MYH10: variants seen among roughly 807,000 people sequenced by gnomAD.
MYH10 encodes myosin-10.
MYH10 carries 55 observed loss-of-function variants against 257.8 expected under a neutral mutation model. The ratio of observed to expected loss-of-function variants is 0.21; its 90% confidence interval spans 0.17 to 0.27. MYH10 has a LOEUF of 0.27. MYH10 is among the 10% of genes least tolerant of loss of function. MYH10 has a pLI of 1.00. For missense variants in MYH10, 1,631 were observed against 2,500.6 expected, an observed-to-expected ratio of 0.65 and a Z score of 7.42; for synonymous variants, 854 against 921.7, an observed-to-expected ratio of 0.93 and a Z score of 1.33.
intron 4 of MYH10, among the ~76,000 whole-genome samples, chr17:8,578,688 A>G (rs896483613): frequency 6.6e-6 from 1 of 152,204 alleles, no homozygotes; most frequent in Non-Finnish European, 1.5e-5. Flanking sequence ...ACTCACTACT[A>G]GGCTTGAAAT....
chr17:8,606,294 G>A (rs1463763996), intron 2 of MYH10, among the ~76,000 whole-genome samples: 1 of 152,150 alleles, frequency 6.6e-6, no homozygotes, highest in Non-Finnish European at 1.5e-5. Flanking sequence ...CTGATTCTGG[G>A]CACTACGGAA....
chr17:8,578,456 C>T (rs2083583784), intron 4 of MYH10, among the ~76,000 whole-genome samples: 2 of 152,058 alleles, frequency 1.3e-5, no homozygotes, highest in Admixed American at 1.3e-4. Context: ...GTTGGCTAGG[C>T]TGGTCTCAAA....
chr17:8,484,191 C>G lies in MYH10; in HGVS notation c.5122G>C (p.Glu1708Gln). Reference sequence around the variant, plus strand: ...AGACTCTTCAATTTCTTTTCACTCTCTTTGGATTGAGCAAAAATCTCATCT... The same window carrying G: ...AGACTCTTCAATTTCTTTTCACTCTGTTTGGATTGAGCAAAAATCTCATCT... The part of the protein sequence containing the change: ...SRDEIFAQSK[E>Q]SEKKLKSLEA... The change falls in exon 37 of 43, where the codon GAG becomes CAG. Residue 1708 changes from glutamate (E) to glutamine (Q), a missense_variant. Physicochemically the swap from Glu to Gln is conservative, Grantham distance 29. This residue lies in a region of MYH10 where 463 missense variants were observed against 621.8 expected (regional missense o/e 0.74). Coordinates refer to ENST00000360416, the MANE Select transcript of MYH10 (RefSeq NM_001256012.3). 6.2e-7 allele frequency: 1 copy of G among 1,612,494 alleles called. No homozygotes were observed. The highest frequency in any genetic ancestry group is 2.2e-5 in the East Asian group (1 of 44,718).
chr17:8,570,480 T>C (rs879640461), intron 6 of MYH10, among the ~76,000 whole-genome samples: 1 of 152,200 alleles, frequency 6.6e-6, no homozygotes, highest in Non-Finnish European at 1.5e-5. Context: ...AATATATTAA[T>C]ACGTACTTTA....
At chr17:8,592,964 T>TATATATATATATATATATAA (rs1567953199) in intron 3 of MYH10, among the ~76,000 whole-genome samples, 4 of 119,916 alleles carry the variant, frequency 3.3e-5, no homozygotes, top group African/African-American at 1.3e-4. Flanking sequence ...TATATATATA[T>TATATATATATATATATATAA]ATATATAAAA....
At position 8,477,297 on chromosome 17, in the gene MYH10, C is replaced by T. The variant is rs1320314539; in HGVS notation, c.5707-249G>A. Among the ~76,000 whole-genome samples, 3 of 152,128 alleles carry T rather than the reference C, an allele frequency of 2.0e-5. No individual in the cohort carries two copies. The highest frequency in any genetic ancestry group is 4.4e-5 in the Non-Finnish European group (3 of 68,012). On this transcript the variant is annotated intron_variant, in intron 41 of 42. Transcript: ENST00000360416. The surrounding 1 kb of genome is among the most constrained non-coding windows in gnomAD (Gnocchi z 4.2). ...AAAGTACTCAAGACTCTGTTTTTACCAGTGAGTTTTCTGCAGAAAAATGAC... is the reference window on the plus strand; with the variant it reads ...AAAGTACTCAAGACTCTGTTTTTACTAGTGAGTTTTCTGCAGAAAAATGAC...
At chr17:8,516,397 T>A (rs1425093706) in intron 21 of MYH10, among the ~76,000 whole-genome samples, 1 of 152,202 alleles carries the variant, frequency 6.6e-6, no homozygotes, top group Admixed American at 6.5e-5. Flanking sequence ...TATCTTCTTT[T>A]TTTGATGTAT....
chr17:8,527,681 A>G (rs2081893159), intron 17 of MYH10, among the ~76,000 whole-genome samples: 1 of 152,214 alleles, frequency 6.6e-6, no homozygotes, highest in Non-Finnish European at 1.5e-5. Context: ...AACACCACAC[A>G]TTCAGGCACT....
rs570203109 is a variant in MYH10 at position 8,618,580 on chromosome 17, C to G, written c.345+4322G>C. 3.7e-4 allele frequency among the ~76,000 whole-genome samples: 57 copies of G among 152,294 alleles called. No individual in the cohort carries two copies. The South Asian group carries it at 0.01, about 28-fold the overall frequency. ...TTAAAAATTAGATGTAGTGTAGCAT[C>G]TGAAACCCTATCAGTGAACTTCTCA... On this transcript the variant is annotated intron_variant, in intron 2 of 42. Coordinates refer to ENST00000360416, the MANE Select transcript of MYH10 (RefSeq NM_001256012.3).
Position 8,551,967 on chromosome 17 carries a change from C to T in MYH10, c.919+79G>A, listed in dbSNP as rs1004343656. ...TGTTTTGTGTGTAAAAAACTGTTTC[C>T]CAAAATTGTTTTTTCTCAAAAAAAA... On this transcript the variant is annotated intron_variant, in intron 9 of 42. Transcript: ENST00000360416. 3.8e-5 allele frequency: 29 copies of T among 758,094 alleles called. 1 individual carries two copies. The South Asian group carries it at 9.7e-4, about 25-fold the overall frequency. The allele number at this position is 758,094 out of a possible 1,614,324, so 47.0% of individuals were successfully genotyped here. A position where few individuals can be genotyped will look rare whatever the true frequency, so the allele number is the denominator to read the frequency against.
chr17:8,500,902 G>A lies in MYH10; in HGVS notation c.3668C>T (p.Ala1223Val). ...ALEEETKNHEAQIQDMRQRHA... is the reference protein window; with the variant it reads ...ALEEETKNHEVQIQDMRQRHA... ...TCTTTGTCTCATGTCCTGGATTTGAGCTTCATGGTTCTTAGTTTCCTCCTC... is the reference window on the plus strand; with the variant it reads ...TCTTTGTCTCATGTCCTGGATTTGAACTTCATGGTTCTTAGTTTCCTCCTC... The change falls in exon 29 of 43, where the codon GCT becomes GTT. Residue 1223 changes from alanine to valine, a missense_variant. Physicochemically the swap from Ala to Val is moderately conservative, Grantham distance 64 (BLOSUM62 0). Around this residue, in one of 11 missense-constraint regions of MYH10, gnomAD observed 463 missense variants for 621.8 expected, o/e 0.74. Coordinates refer to ENST00000360416, the MANE Select transcript of MYH10 (RefSeq NM_001256012.3). The A allele has an allele frequency of 6.2e-7, 1 of 1,614,134 alleles. No homozygotes were observed. The highest frequency in any genetic ancestry group is 1.1e-5 in the South Asian group (1 of 91,088).
chr17:8,552,505 T>C lies in MYH10; in HGVS notation c.821-361A>G, dbSNP rs1306402422. Among the ~76,000 whole-genome samples the C allele has an allele frequency of 2.0e-5, 3 of 152,184 alleles. No homozygotes were observed. Among genetic ancestry groups the C allele is most frequent in the Non-Finnish European group, 4.4e-5 (3 of 68,024 alleles). ...AGCTATTGAAAATGAAGTACAGTTGTTTAAGGCAGGAGAAGCTCTATAATA... is the reference window on the plus strand; with the variant it reads ...AGCTATTGAAAATGAAGTACAGTTGCTTAAGGCAGGAGAAGCTCTATAATA... On this transcript the variant is annotated intron_variant, in intron 8 of 42. Transcript: ENST00000360416. This position sits in a 1 kb window ranked among gnomAD's most constrained non-coding sequence, Gnocchi z 4.8.
chr17:8,574,737 TG>T (rs1567923962), intron 6 of MYH10, among the ~76,000 whole-genome samples: 23 of 152,174 alleles, frequency 1.5e-4, no homozygotes, highest in Admixed American at 4.6e-4. Flanking sequence ...CACAAACCAG[TG>T]GTATCAAATC....
Position 8,499,362 on chromosome 17 carries a change from T to G in MYH10, c.3859A>C (p.Lys1287Gln). 1.2e-6 allele frequency: 2 copies of G among 1,614,184 alleles called. No individual in the cohort carries two copies. Among genetic ancestry groups the G allele is most frequent in the Non-Finnish European group, 1.7e-6 (2 of 1,180,048 alleles). ...VKAESEHKRK[K>Q]LDAQVQELHA... The stretch of plus-strand genomic sequence containing the variant: ...AGCTCCTGGACCTGCGCGTCGAGCT[T>G]CTTCCTCTTGTGCTCAGACTCAGCC... The change falls in exon 30 of 43, where the codon AAG becomes CAG. Residue 1287 changes from lysine (K) to glutamine (Q), a missense_variant. Physicochemically the swap from Lys to Gln is moderately conservative, Grantham distance 53. Transcript: ENST00000360416.
chr17:8,490,526 C>T lies in MYH10; in HGVS notation c.4698G>A (p.Arg1566=). Residue 1566 remains arginine, a synonymous_variant, in exon 35 of 43, where the codon CGG becomes CGA. Transcript: ENST00000360416. The surrounding 1 kb of genome is among the most constrained non-coding windows in gnomAD (Gnocchi z 4.1). ...TTTCCTCCACCTGCTGCTCTAGGGC[C>T]CGTTTGGATTTTTCAAGTTCGTGAA... The part of the protein sequence containing the change: ...KNVHELEKSK[R]ALEQQVEEMR... 1 of 1,614,142 alleles carries T rather than the reference C, an allele frequency of 6.2e-7. No homozygotes were observed. Among genetic ancestry groups the T allele is most frequent in the African/African-American group, 1.3e-5 (1 of 75,034 alleles).
chr17:8,590,127 C>T (rs537230735), intron 3 of MYH10, among the ~76,000 whole-genome samples: 8 of 152,244 alleles, frequency 5.3e-5, no homozygotes, highest in Admixed American at 6.5e-5. Context: ...TGGATGCCTC[C>T]GGTGCCTAAG....
chr17:8,524,317 G>A (rs1038253527), intron 17 of MYH10, among the ~76,000 whole-genome samples: 2 of 151,934 alleles, frequency 1.3e-5, no homozygotes, highest in Non-Finnish European at 2.9e-5. Flanking sequence ...GGGCGTGGTG[G>A]TGCACACCTG....
At chr17:8,566,270 T>C (rs575355144) in intron 7 of MYH10, among the ~76,000 whole-genome samples, 1 of 152,344 alleles carries the variant, frequency 6.6e-6, no homozygotes, top group Admixed American at 6.5e-5. Context: ...GTAGCCATGA[T>C]AGCCAAGACC....
intron 24 of MYH10, among the ~76,000 whole-genome samples, chr17:8,511,801 TG>T: frequency 6.6e-6 from 1 of 152,196 alleles, no homozygotes; most frequent in African/African-American, 2.4e-5. Context: ...CCATTTCATG[TG>T]TGCCTCCACC....
Sources: gnomAD v4.1 joint callset for allele counts (sites outside exome capture counted in the v4.1 genomes callset) on GRCh38, gnomAD v4.1.1 for gene constraint, gnomAD v4.1.1 regional missense constraint, Gnocchi (gnomAD v3.1) non-coding constraint, MANE v1.5 for transcripts, NCBI Gene and HGNC (gene_info 2026-07-23, HGNC 2026-07-21) for gene names.